CEP162: variants seen among roughly 807,000 people sequenced by gnomAD.
CEP162 encodes the protein centrosomal protein 162, also known as centrosomal protein of 162 kDa.
CEP162 carries 141 observed loss-of-function variants against 169.2 expected under a neutral mutation model. That is an observed-to-expected ratio of 0.83 (90% CI 0.73 to 0.96). CEP162 has a LOEUF of 0.96. CEP162 is among the 40% of genes least tolerant of loss of function. CEP162 has a pLI of 0.00. For synonymous variants in CEP162, 540 were observed against 526.4 expected, an observed-to-expected ratio of 1.03 and a Z score of -0.35; for missense variants, 1,600 against 1,587.2, an observed-to-expected ratio of 1.01 and a Z score of -0.14.
At position 84,163,180 on chromosome 6, in the gene CEP162, T is replaced by C. The variant is rs748459217; in HGVS notation, c.2476A>G (p.Arg826Gly). 1 of 1,613,422 alleles carries C rather than the reference T, an allele frequency of 6.2e-7. No individual in the cohort carries two copies. The highest frequency in any genetic ancestry group is 1.3e-5 in the African/African-American group (1 of 75,000). ...GCAATCTGATCTTTGGCTTGGTCCC[T>C]CTCTTTCTTCATTTTTTCGAAGTCT... ...EVDFEKMKKE[R>G]DQAKDQIAYV... Residue 826 changes from arginine to glycine, a missense_variant, in exon 19 of 27, where the codon AGG (arginine) becomes GGG (glycine). Physicochemically the swap from Arg to Gly is moderately radical, Grantham distance 125. Coordinates refer to ENST00000403245, the MANE Select transcript of CEP162 (RefSeq NM_014895.4).
At chr6:84,196,841 C>T (rs1329734778) in intron 9 of CEP162, among the ~76,000 whole-genome samples, 8 of 152,066 alleles carry the variant, frequency 5.3e-5, no homozygotes, top group Non-Finnish European at 7.4e-5. Flanking sequence ...GCTTCAGGTC[C>T]CCATGGCTAC....
chr6:84,174,863 T>G lies in CEP162; in HGVS notation c.1889A>C (p.Gln630Pro), dbSNP rs2099531764. ...GGCTTTAATTTGCTCAATTAGGGCT[T>G]GCGCACCCCTCCATTTATCCTCTGC... Reference protein sequence around the residue: ...QEAEDKWRGAQALIEQIKATF... With the variant: ...QEAEDKWRGAPALIEQIKATF... The change falls in exon 15 of 27, where the codon CAA (glutamine) becomes CCA (proline). Residue 630 changes from glutamine to proline, a missense_variant. Physicochemically the swap from Gln to Pro is moderately conservative, Grantham distance 76. Transcript: ENST00000403245. The G allele has an allele frequency of 6.2e-7, 1 of 1,611,386 alleles. No individual in the cohort carries two copies. The highest frequency in any genetic ancestry group is 1.3e-5 in the African/African-American group (1 of 74,892).
chr6:84,136,694 GCTCA>G (rs1487093779), intron 25 of CEP162, among the ~76,000 whole-genome samples: 5 of 152,128 alleles, frequency 3.3e-5, no homozygotes, highest in African/African-American at 1.2e-4. Context: ...ACTGACATCT[GCTCA>G]CTAAGTATTT....
Position 84,143,315 on chromosome 6 carries a change from C to A in CEP162, c.3870+3372G>T, listed in dbSNP as rs115741467. 6.3e-3 allele frequency among the ~76,000 whole-genome samples: 955 copies of A among 152,022 alleles called. 4 individuals are homozygous for A. The highest frequency in any genetic ancestry group is 0.022 in the African/African-American group (919 of 41,516). On this transcript the variant is annotated intron_variant, in intron 25 of 26. Transcript: ENST00000403245. ...CTAGAAGTCATGAAATGATGTTAAT[C>A]TACAAAATGTTGGTATATGACAGGT...
In CEP162 at chr6:84,154,330, ATCTGTCTGTCTG is replaced by A. The variant is rs561247395; in HGVS notation, c.2994+956_2994+967del. Among the ~76,000 whole-genome samples, 251 of 149,452 alleles carry A rather than the reference ATCTGTCTGTCTG, an allele frequency of 1.7e-3. 2 individuals carry two copies. Among genetic ancestry groups the A allele is most frequent in the African/African-American group, 5.9e-3 (239 of 40,360 alleles). Reference sequence around the variant, plus strand: ...ATCAGGGATATCTATCTATCTATCTATCTGTCTGTCTGTCTGTCTGTCTGTCTGTCTATCTAT... The same window carrying A: ...ATCAGGGATATCTATCTATCTATCTATCTGTCTGTCTGTCTGTCTATCTAT... On this transcript the variant is annotated intron_variant, in intron 22 of 26. Transcript: ENST00000403245.
rs1443976559 is a variant in CEP162 at position 84,186,626 on chromosome 6, A to T, written c.1110-3T>A. ...TTCTTTCGGCCACTTTCTCAGAGCTATAAAACAAAACAGGACACAGATAAT... is the reference window on the plus strand; with the variant it reads ...TTCTTTCGGCCACTTTCTCAGAGCTTTAAAACAAAACAGGACACAGATAAT... On this transcript the variant is annotated splice_polypyrimidine_tract_variant and splice_region_variant and intron_variant, in intron 11 of 26. Transcript: ENST00000403245. 1 of 1,594,348 alleles carries T rather than the reference A, an allele frequency of 6.3e-7. No homozygotes were observed. Among genetic ancestry groups the T allele is most frequent in the African/African-American group, 1.3e-5 (1 of 74,318 alleles).
chr6:84,144,533 A>G (rs2099518030), intron 25 of CEP162, among the ~76,000 whole-genome samples: 1 of 152,116 alleles, frequency 6.6e-6, no homozygotes, highest in Non-Finnish European at 1.5e-5. Context: ...TTTTGTAAGC[A>G]ACTATAAATA....
intron 13 of CEP162, among the ~76,000 whole-genome samples, chr6:84,180,330 T>C (rs2099534248): frequency 6.6e-6 from 1 of 152,134 alleles, no homozygotes; most frequent in Non-Finnish European, 1.5e-5. Flanking sequence ...AATTAGGTAT[T>C]GATGGGACGT....
intron 25 of CEP162, among the ~76,000 whole-genome samples, chr6:84,143,691 T>A (rs1268837990): frequency 6.6e-6 from 1 of 152,038 alleles, no homozygotes; most frequent in Non-Finnish European, 1.5e-5. Flanking sequence ...AAACAGAATA[T>A]GTTTATTTTA....
intron 7 of CEP162, among the ~76,000 whole-genome samples, chr6:84,203,198 T>C (rs2099545344): frequency 6.6e-6 from 1 of 152,162 alleles, no homozygotes; most frequent in Admixed American, 6.5e-5. Context: ...ATGTGAGAAT[T>C]AGAGTATGAA....
chr6:84,152,689 T>C lies in CEP162; in HGVS notation c.3485A>G (p.His1162Arg), dbSNP rs770584366. The change falls in exon 23 of 27, where the codon CAT becomes CGT. Residue 1162 changes from histidine to arginine, a missense_variant. By Grantham distance (29) the His-to-Arg change is conservative (BLOSUM62 0). Transcript: ENST00000403245. ...GTLDSKLYQP[H>R]TFTDSHVSEV... ...TGAAACATGGGAATCAGTGAAAGTA[T>C]GTGGTTGGTACAGCTTGCTGTCCAG... 8 of 1,612,662 alleles carry C rather than the reference T, an allele frequency of 5.0e-6. No homozygotes were observed. The highest frequency in any genetic ancestry group is 5.9e-6 in the Non-Finnish European group (7 of 1,179,408).
At chr6:84,172,558 TTG>T (rs1430666117) in intron 16 of CEP162, among the ~76,000 whole-genome samples, 2 of 152,138 alleles carry the variant, frequency 1.3e-5, no homozygotes, top group African/African-American at 4.8e-5. Context: ...CACATAAATT[TTG>T]TGTTGTCTCT....
intron 25 of CEP162, among the ~76,000 whole-genome samples, chr6:84,138,147 T>C (rs2099514963): frequency 6.6e-6 from 1 of 152,224 alleles, no homozygotes; most frequent in Admixed American, 6.5e-5. Context: ...ATGTATAGTG[T>C]GCTTTCATCT....
intron 23 of CEP162, among the ~76,000 whole-genome samples, chr6:84,151,558 T>C (rs1339576163): frequency 6.6e-6 from 1 of 152,066 alleles, no homozygotes; most frequent in Admixed American, 6.6e-5. Context: ...AGAACAAGAC[T>C]TTAAAAGTAA....
rs2099536737 is a variant in CEP162, at chr6:84,185,433, G to A, written c.1417C>T (p.Leu473Phe). 3 of 1,613,136 alleles carry A rather than the reference G, an allele frequency of 1.9e-6. No homozygotes were observed. The Admixed American group carries it at 5.0e-5, about 27-fold the overall frequency. Residue 473 changes from leucine (L) to phenylalanine (F), a missense_variant, in exon 13 of 27, where the codon CTT becomes TTT. Coordinates refer to ENST00000403245, the MANE Select transcript of CEP162 (RefSeq NM_014895.4). ...ACAGCCCCTTCTTCTTCAGAACTAAGTTGAGATCTGTAAGTCTGTACACAA... is the reference window on the plus strand; with the variant it reads ...ACAGCCCCTTCTTCTTCAGAACTAAATTGAGATCTGTAAGTCTGTACACAA... The part of the protein sequence containing the change: ...DKINKTYRSQ[L>F]SSEEEGAVMG...
intron 7 of CEP162, among the ~76,000 whole-genome samples, chr6:84,203,448 C>CT (rs1321599857): frequency 6.6e-6 from 1 of 152,066 alleles, no homozygotes; most frequent in African/African-American, 2.4e-5. Flanking sequence ...CAAAATAAAT[C>CT]TTTTTTTGTT....
intron 11 of CEP162, among the ~76,000 whole-genome samples, chr6:84,187,819 G>A (rs1716048308): frequency 6.6e-6 from 1 of 152,126 alleles, no homozygotes; most frequent in African/African-American, 2.4e-5. Flanking sequence ...GAAAGAACAA[G>A]GAGTTAAGTG....
At chr6:84,210,227 T>G (rs929486880) in intron 6 of CEP162, among the ~76,000 whole-genome samples, 4 of 152,236 alleles carry the variant, frequency 2.6e-5, no homozygotes, top group Non-Finnish European at 5.9e-5. Context: ...GAAATAAAAA[T>G]GTTCTTAAAG....
chr6:84,178,657 C>T (rs2099533385), intron 13 of CEP162, among the ~76,000 whole-genome samples: 1 of 152,148 alleles, frequency 6.6e-6, no homozygotes, highest in African/African-American at 2.4e-5. Context: ...AACCTTATCT[C>T]CTTTTCTTTT....
Sources: allele counts gnomAD v4.1 joint callset (sites outside exome capture counted in the v4.1 genomes callset), GRCh38; gene constraint gnomAD v4.1.1; transcripts MANE v1.5; gene names NCBI Gene and HGNC (gene_info 2026-07-23, HGNC 2026-07-21).